The following ERBB4 variants were observed in gnomAD, a reference collection of about 807,000 sequenced individuals.
The protein encoded by ERBB4 is receptor tyrosine-protein kinase erbB-4.
ERBB4 carries 42 observed loss-of-function variants against 158.0 expected under a neutral mutation model. That is an observed-to-expected ratio of 0.27 (90% CI 0.21 to 0.34). The LOEUF is 0.34. Among genes scored for constraint, ERBB4 ranks in the 10% least tolerant of loss-of-function variants. ERBB4 has a pLI of 1.00. For synonymous variants in ERBB4, 583 were observed against 558.7 expected (o/e 1.04, Z -0.61); for missense variants, 1,333 against 1,624.1 (o/e 0.82, Z 3.08).
At position 211,653,970 on chromosome 2, in the gene ERBB4, T is replaced by G. The variant is rs566070565; in HGVS notation, c.1946+3784A>C. ...ATTACAGGTATGAGCCACCGCGCCC[T>G]GCCCAAAACAACTATTTTCATTTGT... is the stretch of plus-strand genomic sequence containing the variant. On this transcript the variant is annotated intron_variant, in intron 16 of 27. Coordinates refer to ENST00000342788, the MANE Select transcript of ERBB4 (RefSeq NM_005235.3). Among the ~76,000 whole-genome samples the G allele has an allele frequency of 1.1e-4, 16 of 152,226 alleles. No individual in the cohort carries two copies. The South Asian group carries it at 1.9e-3, about 18-fold the overall frequency.
intron 2 of ERBB4, among the ~76,000 whole-genome samples, chr2:211,965,200 G>T (rs1042355119): frequency 2.0e-5 from 3 of 152,028 alleles, no homozygotes; most frequent in African/African-American, 4.8e-5. Context: ...GTGCTTCAAG[G>T]GTAATACTGA....
chr2:211,796,878 T>G (rs2076393893), intron 3 of ERBB4, among the ~76,000 whole-genome samples: 1 of 151,968 alleles, frequency 6.6e-6, no homozygotes, highest in African/African-American at 2.4e-5. Context: ...TAACTTATTT[T>G]TGTTGTTATT....
intron 12 of ERBB4, among the ~76,000 whole-genome samples, chr2:211,700,301 C>A (rs2073187395): frequency 6.6e-6 from 1 of 152,020 alleles, no homozygotes; most frequent in Non-Finnish European, 1.5e-5. Flanking sequence ...TTTTAGGAAT[C>A]AGTAATGTGT....
At chr2:212,242,885 A>AGTAC (rs2106020707) in intron 1 of ERBB4, among the ~76,000 whole-genome samples, 1 of 152,328 alleles carries the variant, frequency 6.6e-6, no homozygotes, top group East Asian at 1.9e-4. Context: ...CATTAGACCA[A>AGTAC]GTACGGCTAA....
chr2:212,537,132 AGGCGGCGGCGGC>A (rs71397171), intron 1 of ERBB4, among the ~76,000 whole-genome samples: 1 of 99,520 alleles, frequency 1.0e-5, no homozygotes, highest in Admixed American at 8.2e-5. Context: ...TAGGCAAAGG[AGGCGGCGGCGGC>A]GGCGGCGGCG....
chr2:211,758,206 A>G (rs7573811), intron 4 of ERBB4, among the ~76,000 whole-genome samples: 151,020 of 152,268 alleles, frequency 0.99, 74,906 homozygotes, highest in East Asian at 1. Context: ...TTCCCACCGA[A>G]TGGAAAGATC....
intron 1 of ERBB4, among the ~76,000 whole-genome samples, chr2:212,326,236 C>A (rs2087824134): frequency 6.6e-6 from 1 of 150,534 alleles, no homozygotes; most frequent in African/African-American, 2.4e-5. Flanking sequence ...TAACATGATT[C>A]CTACTGGTTT....
At chr2:212,468,427 G>A (rs1688950790) in intron 1 of ERBB4, among the ~76,000 whole-genome samples, 1 of 152,088 alleles carries the variant, frequency 6.6e-6, no homozygotes, top group Middle Eastern at 3.2e-3. Flanking sequence ...AACAGCAAAT[G>A]GGTCTCACAC....
intron 19 of ERBB4, among the ~76,000 whole-genome samples, chr2:211,594,037 T>A (rs1413124485): frequency 6.6e-6 from 1 of 152,186 alleles, no homozygotes; most frequent in Non-Finnish European, 1.5e-5. Flanking sequence ...CAGCCACAGC[T>A]GTTAATCCCA....
At chr2:211,428,609 A>G in intron 21 of ERBB4, 126 bp from the exon 22 acceptor site, 1 of 511,214 alleles carries the variant, frequency 2.0e-6, no homozygotes, top group South Asian at 3.0e-5. Flanking sequence ...TATAGATATA[A>G]CTATAACTAT....
chr2:212,080,346 T>A (rs556004965), intron 2 of ERBB4, among the ~76,000 whole-genome samples: 5 of 150,314 alleles, frequency 3.3e-5, no homozygotes, highest in African/African-American at 1.2e-4. Context: ...AAATTAAAAT[T>A]AAAATTAACC....
At chr2:211,834,882 T>C (rs1346898457) in intron 3 of ERBB4, among the ~76,000 whole-genome samples, 1 of 152,086 alleles carries the variant, frequency 6.6e-6, no homozygotes, top group Non-Finnish European at 1.5e-5. Flanking sequence ...ATCTAAAGTC[T>C]CCCAGGGGGA....
chr2:211,515,913 T>TATATATATATATATATATA (rs71054105), intron 20 of ERBB4, among the ~76,000 whole-genome samples: 25 of 57,304 alleles, frequency 4.4e-4, no homozygotes, highest in African/African-American at 5.4e-4. Flanking sequence ...TATATATATA[T>TATATATATATATATATATA]TTTTTTTTTT....
In ERBB4 at chr2:212,027,058, C is replaced by A. The variant is rs75912021; in HGVS notation, c.235-79442G>T. On this transcript the variant is annotated intron_variant, in intron 2 of 27. Transcript: ENST00000342788. ...CTCCATCATACATCAACATCTCATT[C>A]AAGTCACATCAAGGTTATATATGTG... Among the ~76,000 whole-genome samples the A allele has an allele frequency of 1.7e-3, 263 of 151,908 alleles. 6 individuals are homozygous for A. In the East Asian group the frequency reaches 0.044, roughly 26 times the overall value.
At chr2:211,740,345 A>C (rs543887982) in intron 5 of ERBB4, among the ~76,000 whole-genome samples, 1 of 152,204 alleles carries the variant, frequency 6.6e-6, no homozygotes, top group South Asian at 2.1e-4. Context: ...ATTTCTTTGG[A>C]AAGTGCCCAT....
rs11895168 is a variant in ERBB4 at position 211,377,467 on chromosome 2, A to C, written c.*6148T>G. On this transcript the variant is annotated 3_prime_UTR_variant, in exon 28 of 28. Coordinates refer to ENST00000342788, the MANE Select transcript of ERBB4 (RefSeq NM_005235.3). ...GAGCATGAAAAGAAAAACGTCCATA[A>C]AGAGCAAAAGTAGGTAAAGGATGGC... The C allele has an allele frequency of 0.67, 156,299 of 232,666 alleles. 52,834 individuals are homozygous for C. The highest frequency in any genetic ancestry group is 0.77 in the South Asian group (4,239 of 5,518). 14.4% of individuals were successfully genotyped at this position (232,666 alleles called of 1,614,324 possible).
At chr2:212,472,074 T>C (rs1396710661) in intron 1 of ERBB4, among the ~76,000 whole-genome samples, 2 of 151,910 alleles carry the variant, frequency 1.3e-5, no homozygotes, top group Non-Finnish European at 3.0e-5. Context: ...AAATATTTAA[T>C]CATGCAAAAT....
chr2:212,100,939 A>C (rs1198115312), intron 2 of ERBB4, among the ~76,000 whole-genome samples: 1 of 152,166 alleles, frequency 6.6e-6, no homozygotes, highest in African/African-American at 2.4e-5. Context: ...ACAGGTAAGT[A>C]GATAAATGTG....
chr2:212,511,831 T>C (rs1381791627), intron 1 of ERBB4, among the ~76,000 whole-genome samples: 2 of 152,184 alleles, frequency 1.3e-5, no homozygotes, highest in Non-Finnish European at 2.9e-5. Flanking sequence ...ATTCAGAAGC[T>C]CGACAATGTC....
Sources: allele counts gnomAD v4.1 joint callset (sites outside exome capture counted in the v4.1 genomes callset), GRCh38; gene constraint gnomAD v4.1.1; transcripts MANE v1.5; gene names NCBI Gene and HGNC (gene_info 2026-07-23, HGNC 2026-07-21).